The following IGF1 variants were observed in gnomAD, a reference collection of about 807,000 sequenced individuals.
The protein encoded by IGF1 is insulin like growth factor 1.
A neutral mutation model predicts 13.8 loss-of-function variants in IGF1; 4 were observed. The observed-to-expected ratio is 0.29, with a 90% CI of 0.14 to 0.66. The LOEUF (loss-of-function observed/expected upper bound fraction) is 0.66, where lower values mean the gene tolerates loss of function less well. Among genes scored for constraint, IGF1 ranks in the 30% least tolerant of loss-of-function variants. The probability of loss-of-function intolerance (pLI) is 0.78; values close to 1 mark genes in which losing one functional copy is unlikely to be tolerated. For synonymous variants in IGF1, 76 were observed against 72.6 expected (o/e 1.05, Z -0.23); for missense variants, 124 against 188.5 (o/e 0.66, Z 2.00).
chr12:102,435,785 G>C (rs139506220), intron 2 of IGF1, among the ~76,000 whole-genome samples: 60 of 152,320 alleles, frequency 3.9e-4, no homozygotes, highest in Middle Eastern at 6.8e-3. Flanking sequence ...ACTTGAGCCT[G>C]CATGTTTATC....
intron 2 of IGF1, among the ~76,000 whole-genome samples, chr12:102,448,704 A>AT (rs1565990733): frequency 4.6e-5 from 7 of 151,444 alleles, no homozygotes; most frequent in South Asian, 2.1e-4. Context: ...AAAAAAAAAA[A>AT]AAAAAAAAAA....
chr12:102,407,094 C>CAAAAAAAAAAAAAAAAAAA (rs57468885), intron 3 of IGF1, among the ~76,000 whole-genome samples: 1 of 100,982 alleles, frequency 9.9e-6, no homozygotes, highest in Non-Finnish European at 1.9e-5. Context: ...ACTCTGTCTC[C>CAAAAAAAAAAAAAAAAAAA]AAAAAAAAAA....
At chr12:102,437,326 G>A (rs1266227235) in intron 2 of IGF1, among the ~76,000 whole-genome samples, 1 of 152,248 alleles carries the variant, frequency 6.6e-6, no homozygotes. Context: ...AAGGCTGAAG[G>A]AAGCTTGAGA....
chr12:102,436,377 A>G (rs1877222296), intron 2 of IGF1, among the ~76,000 whole-genome samples: 2 of 152,186 alleles, frequency 1.3e-5, no homozygotes, highest in Admixed American at 1.3e-4. Context: ...ACTGAGTTCA[A>G]TTTATTTTTA....
chr12:102,459,501 A>G (rs546490186), intron 2 of IGF1, among the ~76,000 whole-genome samples: 2 of 151,942 alleles, frequency 1.3e-5, no homozygotes, highest in South Asian at 4.2e-4. Context: ...AACAGCTGTT[A>G]TGGATCTCGG....
intron 2 of IGF1, 32 bp from the exon 3 acceptor site, chr12:102,419,722 A>G (rs373823477): frequency 1.5e-4 from 237 of 1,606,406 alleles, no homozygotes; most frequent in Non-Finnish European, 1.9e-4. Flanking sequence ...GCCTCATGTT[A>G]GGGTGCAATC....
intron 2 of IGF1, among the ~76,000 whole-genome samples, chr12:102,467,567 G>T (rs1484632604): frequency 6.6e-6 from 1 of 152,236 alleles, no homozygotes; most frequent in East Asian, 1.9e-4. Context: ...CAAAGTACAT[G>T]TGAAGGCTTT....
chr12:102,404,020 G>GTA (rs1873920545), intron 3 of IGF1, among the ~76,000 whole-genome samples: 1 of 152,192 alleles, frequency 6.6e-6, no homozygotes, highest in Non-Finnish European at 1.5e-5. Context: ...AAATTGCAAA[G>GTA]TATGTAGACA....
chr12:102,432,069 A>G (rs1318169565), intron 2 of IGF1, among the ~76,000 whole-genome samples: 1 of 152,208 alleles, frequency 6.6e-6, no homozygotes, highest in Non-Finnish European at 1.5e-5. Context: ...AAATCACTTT[A>G]TCTTCATTTT....
At chr12:102,450,277 C>G (rs2137143644) in intron 2 of IGF1, among the ~76,000 whole-genome samples, 1 of 152,356 alleles carries the variant, frequency 6.6e-6, no homozygotes. Context: ...ATGCGACTCT[C>G]CTAGAAATTG....
intron 1 of IGF1, among the ~76,000 whole-genome samples, chr12:102,477,985 A>T (rs1245082669): frequency 1.5e-5 from 2 of 135,086 alleles, no homozygotes; most frequent in African/African-American, 5.4e-5. Context: ...TTTTAAATAG[A>T]TTTCTCTTTT....
At chr12:102,417,919 CCTT>C (rs749166916) in intron 3 of IGF1, 3 of 1,613,842 alleles carry the variant, frequency 1.9e-6, no homozygotes, top group Non-Finnish European at 2.5e-6. Flanking sequence ...TCTGTCCCCT[CCTT>C]CTGTTCCCCT....
chr12:102,419,066 A>G (rs767875748), intron 3 of IGF1, among the ~76,000 whole-genome samples: 6 of 152,248 alleles, frequency 3.9e-5, no homozygotes, highest in Non-Finnish European at 5.9e-5. Flanking sequence ...TCCAACAATT[A>G]CTTTATGCAG....
chr12:102,444,085 T>C (rs5742643), intron 2 of IGF1, among the ~76,000 whole-genome samples: 115,893 of 151,700 alleles, frequency 0.76, 44,461 homozygotes, highest in Admixed American at 0.83. Flanking sequence ...CCTCAGCCTC[T>C]CAAAGTGCTG....
At position 102,464,191 on chromosome 12, in the gene IGF1, G is replaced by A. The variant is rs138367098; in HGVS notation, c.220+11452C>T. Among the ~76,000 whole-genome samples the A allele has an allele frequency of 3.8e-3, 579 of 152,144 alleles. 4 individuals carry two copies. The highest frequency in any genetic ancestry group is 0.027 in the Middle Eastern group (8 of 294). ...TCATAAGTAGACCTTATTGGTGAGGGTCCAGTAGCCTTTGAAAATTACCTG... is the reference window on the plus strand; with the variant it reads ...TCATAAGTAGACCTTATTGGTGAGGATCCAGTAGCCTTTGAAAATTACCTG... On this transcript the variant is annotated intron_variant, in intron 2 of 3. Transcript: ENST00000337514.
At chr12:102,430,576 T>C (rs1004776315) in intron 2 of IGF1, among the ~76,000 whole-genome samples, 2 of 152,218 alleles carry the variant, frequency 1.3e-5, no homozygotes, top group Non-Finnish European at 2.9e-5. Flanking sequence ...TTAACTGAAC[T>C]GTAAGTTCAA....
intron 2 of IGF1, among the ~76,000 whole-genome samples, chr12:102,464,131 T>C (rs5742626): frequency 0.022 from 3,279 of 152,136 alleles, 115 homozygotes; most frequent in African/African-American, 0.074. Flanking sequence ...CACATAGAAG[T>C]AGAGAGGAAC....
intron 2 of IGF1, among the ~76,000 whole-genome samples, chr12:102,429,011 G>A (rs1340292196): frequency 1.3e-5 from 2 of 152,148 alleles, no homozygotes; most frequent in South Asian, 2.1e-4. Flanking sequence ...ATTAAACATA[G>A]TTTTTCAAAT....
At chr12:102,464,438 AG>A (rs1478665318) in intron 2 of IGF1, among the ~76,000 whole-genome samples, 1 of 149,172 alleles carries the variant, frequency 6.7e-6, no homozygotes, top group East Asian at 1.9e-4. Flanking sequence ...TATCAAATCA[AG>A]AAATTTTATT....
Sources: allele counts gnomAD v4.1 joint callset (sites outside exome capture counted in the v4.1 genomes callset), GRCh38; gene constraint gnomAD v4.1.1; transcripts MANE v1.5; gene names NCBI Gene and HGNC (gene_info 2026-07-23, HGNC 2026-07-21).